The following DMXL2 variants were observed in gnomAD, a reference collection of about 807,000 sequenced individuals.
The protein encoded by DMXL2 is Dmx like 2.
In DMXL2, 103 loss-of-function variants were observed where a neutral mutation model predicts 331.1. The observed-to-expected ratio is 0.31, with a 90% CI of 0.27 to 0.37. The LOEUF (loss-of-function observed/expected upper bound fraction) is 0.37, where lower values mean the gene tolerates loss of function less well. DMXL2 is among the 10% of genes least tolerant of loss of function. The probability of loss-of-function intolerance (pLI) is 1.00; values close to 1 mark genes in which losing one functional copy is unlikely to be tolerated. For synonymous variants in DMXL2, 1,281 were observed against 1,252.1 expected (o/e 1.02, Z -0.49); for missense variants, 3,171 against 3,642.9 (o/e 0.87, Z 3.33).
intron 4 of DMXL2, 108 bp downstream of exon 4, chr15:51,564,980 A>C: frequency 1.5e-6 from 1 of 667,988 alleles, no homozygotes; most frequent in Non-Finnish European, 2.2e-6. Context: ...CAAAAAGAAA[A>C]TATAATACAT....
intron 2 of DMXL2, among the ~76,000 whole-genome samples, chr15:51,569,215 G>C (rs1020375171): frequency 6.6e-6 from 1 of 152,176 alleles, no homozygotes; most frequent in Non-Finnish European, 1.5e-5. Flanking sequence ...TGCTATCACA[G>C]CATCTGAGGT....
intron 1 of DMXL2, among the ~76,000 whole-genome samples, chr15:51,618,014 A>G (rs1314674155): frequency 6.6e-6 from 1 of 152,238 alleles, no homozygotes; most frequent in Non-Finnish European, 1.5e-5. Flanking sequence ...AAGAACAAAA[A>G]GGCCAATTTC....
At chr15:51,539,096 T>C (rs1490305178) in intron 9 of DMXL2, among the ~76,000 whole-genome samples, 1 of 151,218 alleles carries the variant, frequency 6.6e-6, no homozygotes, top group Non-Finnish European at 1.5e-5. Context: ...TGTAGTCCCA[T>C]CTACTTGGGA....
chr15:51,536,456 A>G lies in DMXL2; in HGVS notation c.2024T>C (p.Leu675Ser), dbSNP rs769929109. Residue 675 changes from leucine (L) to serine (S), a missense_variant, in exon 12 of 44, where the codon TTG (leucine) becomes TCG (serine). Around this residue, in one of 7 missense-constraint regions of DMXL2, gnomAD observed 1,674 missense variants for 1,780.2 expected, o/e 0.94. Coordinates refer to ENST00000560891, the MANE Select transcript of DMXL2 (RefSeq NM_001378457.1). Reference sequence around the variant, plus strand: ...CCACTGACAATCTAATTCAGGAGTCAATAGAGCATTATGATGAGAGGATGT... The same window carrying G: ...CCACTGACAATCTAATTCAGGAGTCGATAGAGCATTATGATGAGAGGATGT... Reference protein sequence around the residue: ...LLTSSHHNALLTPELDCQWDS... With the variant: ...LLTSSHHNALSTPELDCQWDS... 1.2e-6 allele frequency: 2 copies of G among 1,613,948 alleles called. No individual in the cohort carries two copies. The highest frequency in any genetic ancestry group is 1.7e-6 in the Non-Finnish European group (2 of 1,179,978).
intron 3 of DMXL2, among the ~76,000 whole-genome samples, chr15:51,566,235 GTGTGTGTGT>G (rs2050273320): frequency 1.2e-3 from 2 of 1,618 alleles, no homozygotes; most frequent in Admixed American, 0.012. Context: ...TGTGTGGGGT[GTGTGTGTGT>G]GTGTGTGTGT....
chr15:51,591,290 G>A lies in DMXL2; in HGVS notation c.88-15109C>T, dbSNP rs192907824. The stretch of plus-strand genomic sequence containing the variant: ...ACAGCACACCAGGAGATTATATCCC[G>A]CGCCTGGCTCGGAGGGTCCTACGCC... On this transcript the variant is annotated intron_variant, in intron 1 of 43. Transcript: ENST00000560891. 5.6e-4 allele frequency among the ~76,000 whole-genome samples: 85 copies of A among 152,316 alleles called. 1 individual carries two copies. Among genetic ancestry groups the A allele is most frequent in the African/African-American group, 1.8e-3 (73 of 41,574 alleles).
chr15:51,460,217 A>AT (rs2039994094), intron 33 of DMXL2: 3 of 985,618 alleles, frequency 3.0e-6, no homozygotes. Flanking sequence ...GATGGCTGCA[A>AT]TCAGAAGTTA....
chr15:51,582,826 C>T (rs114066658), intron 1 of DMXL2, among the ~76,000 whole-genome samples: 1,805 of 152,062 alleles, frequency 0.012, 36 homozygotes, highest in African/African-American at 0.042. Flanking sequence ...GGAAATCACA[C>T]ATATATTAAA....
chr15:51,523,336 T>C (rs1374001958), intron 13 of DMXL2, among the ~76,000 whole-genome samples: 1 of 152,294 alleles, frequency 6.6e-6, no homozygotes, highest in African/African-American at 2.4e-5. Context: ...AATCCCAGAA[T>C]GCCTTATAGC....
At chr15:51,551,413 T>C (rs953905789) in intron 6 of DMXL2, among the ~76,000 whole-genome samples, 6 of 152,194 alleles carry the variant, frequency 3.9e-5, no homozygotes, top group Non-Finnish European at 7.3e-5. Flanking sequence ...ACAGTTCATA[T>C]GTCTCTTTCA....
At chr15:51,596,357 A>G (rs1190765946) in intron 1 of DMXL2, among the ~76,000 whole-genome samples, 1 of 152,242 alleles carries the variant, frequency 6.6e-6, no homozygotes, top group Non-Finnish European at 1.5e-5. Context: ...AATGCAGATC[A>G]AAACCACAAT....
At chr15:51,469,381 TTGG>T (rs1160952451) in intron 29 of DMXL2, among the ~76,000 whole-genome samples, 2 of 152,154 alleles carry the variant, frequency 1.3e-5, no homozygotes, top group Non-Finnish European at 2.9e-5. Flanking sequence ...TTTGTGTATG[TTGG>T]AAGTTTTCTA....
At chr15:51,547,110 C>A in intron 7 of DMXL2, 120 bp downstream of exon 7, 3 of 829,666 alleles carry the variant, frequency 3.6e-6, no homozygotes, top group Non-Finnish European at 5.3e-6. Flanking sequence ...TGATTTCAGG[C>A]AGCTTGATGC....
intron 2 of DMXL2, among the ~76,000 whole-genome samples, chr15:51,571,319 TC>T (rs2050656100): frequency 6.6e-6 from 1 of 152,050 alleles, no homozygotes. Flanking sequence ...AGACTTAGAC[TC>T]CCACACAGTA....
intron 1 of DMXL2, among the ~76,000 whole-genome samples, chr15:51,578,003 C>A (rs570209624): frequency 6.6e-6 from 1 of 152,170 alleles, no homozygotes; most frequent in South Asian, 2.1e-4. Flanking sequence ...AGACATGGTC[C>A]CAGTTACTCT....
intron 29 of DMXL2, among the ~76,000 whole-genome samples, chr15:51,469,302 G>A (rs2040877970): frequency 1.3e-5 from 2 of 151,718 alleles, no homozygotes; most frequent in South Asian, 2.1e-4. Context: ...AAACAAGACT[G>A]TCCATGAGTA....
chr15:51,524,612 G>A (rs1479124448), intron 13 of DMXL2, among the ~76,000 whole-genome samples: 1 of 152,148 alleles, frequency 6.6e-6, no homozygotes, highest in Non-Finnish European at 1.5e-5. Flanking sequence ...GGAAGAGCAA[G>A]CAACTGTGAG....
At chr15:51,465,541 A>T (rs780757652) in intron 31 of DMXL2, 25 bp downstream of exon 31, 4 of 1,512,066 alleles carry the variant, frequency 2.6e-6, no homozygotes, top group Middle Eastern at 1.7e-4. Flanking sequence ...ACTTAATAAC[A>T]TTAATTTTTA....
chr15:51,468,362 G>A (rs1162242075), intron 29 of DMXL2, among the ~76,000 whole-genome samples: 6 of 152,094 alleles, frequency 3.9e-5, no homozygotes, highest in African/African-American at 7.2e-5. Flanking sequence ...AAAAAGATTC[G>A]GAGCCAATTG....
Sources: gnomAD v4.1 joint callset for allele counts (sites outside exome capture counted in the v4.1 genomes callset) on GRCh38, gnomAD v4.1.1 for gene constraint, gnomAD v4.1.1 regional missense constraint, MANE v1.5 for transcripts, NCBI Gene and HGNC (gene_info 2026-07-23, HGNC 2026-07-21) for gene names.